The following TRPM1 variants were observed in gnomAD, a reference collection of about 807,000 sequenced individuals.
The protein encoded by TRPM1 is transient receptor potential cation channel subfamily M member 1, also known as TRPM1-203 APA Isoform, Intron 10.
In TRPM1, 113 loss-of-function variants were observed where a neutral mutation model predicts 149.4. That is an observed-to-expected ratio of 0.76 (90% confidence interval 0.65 to 0.88). TRPM1 has a LOEUF of 0.88. Among genes scored for constraint, TRPM1 ranks in the 40% least tolerant of loss-of-function variants. The pLI is 0.00. For missense variants in TRPM1, 1,976 were observed against 2,038.7 expected, an observed-to-expected ratio of 0.97 and a Z score of 0.59; for synonymous variants, 741 against 759.5, an observed-to-expected ratio of 0.98 and a Z score of 0.40.
chr15:31,068,462 C>T (rs1366534011), intron 4 of TRPM1, among the ~76,000 whole-genome samples: 1 of 151,916 alleles, frequency 6.6e-6, no homozygotes, highest in African/African-American at 2.4e-5. Flanking sequence ...GGACTCAGGG[C>T]TGGGCGTGGT....
In TRPM1 at chr15:31,041,846, C is replaced by T. The variant is rs143277501; in HGVS notation, c.2087+105G>A. On this transcript the variant is annotated intron_variant, in intron 17 of 27. Coordinates refer to ENST00000256552, the MANE Select transcript of TRPM1 (RefSeq NM_001252024.2). Reference sequence around the variant, plus strand: ...AAGTGATTTGTGAACAAGCTTTAACCACCATTGTCCTTAAGTGAGAAGTAC... The same window carrying T: ...AAGTGATTTGTGAACAAGCTTTAACTACCATTGTCCTTAAGTGAGAAGTAC... 236 of 1,251,534 alleles carry T rather than the reference C, an allele frequency of 1.9e-4. No individual in the cohort carries two copies. In the African/African-American group the frequency reaches 3.2e-3, roughly 17 times the overall value. 77.5% of individuals were successfully genotyped at this position (1,251,534 alleles called of 1,614,324 possible). A position where few individuals can be genotyped will look rare whatever the true frequency, so the allele number is the denominator to read the frequency against.
At chr15:31,160,691 C>G (rs278352) in intron 1 of TRPM1, among the ~76,000 whole-genome samples, 1 of 152,222 alleles carries the variant, frequency 6.6e-6, no homozygotes, top group East Asian at 1.9e-4. Flanking sequence ...CAACTGAGAC[C>G]ACAGGCGTTG....
chr15:31,001,195 A>G lies in TRPM1; in HGVS notation c.*627T>C, dbSNP rs1243172540. 6.6e-6 allele frequency: 1 copy of G among 152,262 alleles called. No homozygotes were observed. The highest frequency in any genetic ancestry group is 2.4e-5 in the African/African-American group (1 of 41,450). 9.4% of individuals were successfully genotyped at this position (152,262 alleles called of 1,614,324 possible). ...AGTTTAAAATAAAACATTAAAACAG[A>G]AAACAAAGACCCCATAAAAACATAT... On this transcript the variant is annotated 3_prime_UTR_variant, in exon 28 of 28. Transcript: ENST00000256552.
chr15:31,011,710 G>A (rs2032191012), intron 27 of TRPM1, among the ~76,000 whole-genome samples: 1 of 150,678 alleles, frequency 6.6e-6, no homozygotes, highest in South Asian at 2.1e-4. Context: ...TGTTGCCCAG[G>A]CTGAAGAGCA....
intron 5 of TRPM1, 41 bp from the exon 6 acceptor site, chr15:31,067,228 C>T (rs1227166304): frequency 6.2e-7 from 1 of 1,614,058 alleles, no homozygotes; most frequent in East Asian, 2.2e-5. Context: ...TCTTTTACTT[C>T]CCAGCACACC....
chr15:31,104,523 C>T (rs145499889), upstream of TRPM1, among the ~76,000 whole-genome samples: 682 of 149,932 alleles, frequency 4.5e-3, 7 homozygotes, highest in African/African-American at 0.016. Context: ...GCAATGCCGG[C>T]GGACTTTGGT....
intron 3 of TRPM1, among the ~76,000 whole-genome samples, chr15:31,071,399 G>A (rs2034533768): frequency 6.6e-6 from 1 of 151,780 alleles, no homozygotes; most frequent in African/African-American, 2.4e-5. Context: ...GGCTAGATGT[G>A]CGAATGCGTG....
chr15:31,141,638 CATA>C (rs2036164038), intron 1 of TRPM1, among the ~76,000 whole-genome samples: 1 of 149,178 alleles, frequency 6.7e-6, no homozygotes, highest in African/African-American at 2.5e-5. Context: ...TTTGTGTGGT[CATA>C]ATGACAGGGG....
At position 31,001,862 on chromosome 15, in the gene TRPM1, T is replaced by C; in HGVS notation, c.4838A>G (p.Lys1613Arg). ...TGTGGAAGCTTTCTCTTTCTTAACC[T>C]TTTTTTCTTCTGCTGTCATTCCAGA... ...IVSGMTAEEK[K>R]VKKEKASTET... Residue 1613 changes from lysine to arginine, a missense_variant, in exon 28 of 28, where the codon AAG (lysine) becomes AGG (arginine). Coordinates refer to ENST00000256552, the MANE Select transcript of TRPM1 (RefSeq NM_001252024.2). 1 of 1,613,234 alleles carries C rather than the reference T, an allele frequency of 6.2e-7. No individual in the cohort carries two copies. Among genetic ancestry groups the C allele is most frequent in the Non-Finnish European group, 8.5e-7 (1 of 1,179,972 alleles).
At chr15:31,101,252 C>G (rs58740340) in intron 1 of TRPM1, among the ~76,000 whole-genome samples, 1,649 of 152,300 alleles carry the variant, frequency 0.011, 33 homozygotes, top group African/African-American at 0.038. Context: ...ATCCCTGGCA[C>G]CTGGATTTAG....
At chr15:31,113,701 A>C (rs2035750158) in intron 1 of TRPM1, among the ~76,000 whole-genome samples, 1 of 152,168 alleles carries the variant, frequency 6.6e-6, no homozygotes, top group Non-Finnish European at 1.5e-5. Context: ...GCCCATAGTT[A>C]GTTCATTCCG....
chr15:31,152,938 C>T (rs950861317), intron 1 of TRPM1, among the ~76,000 whole-genome samples: 13 of 152,192 alleles, frequency 8.5e-5, no homozygotes, highest in African/African-American at 3.1e-4. Context: ...CCACTGCACC[C>T]AGCCTAAAAC....
intron 27 of TRPM1, among the ~76,000 whole-genome samples, chr15:31,024,267 G>T (rs2032644680): frequency 6.6e-6 from 1 of 152,192 alleles, no homozygotes; most frequent in Non-Finnish European, 1.5e-5. Context: ...AAATGCTTGA[G>T]TACTTCAAGT....
chr15:31,023,000 C>T (rs529349084), intron 27 of TRPM1, among the ~76,000 whole-genome samples: 4 of 152,152 alleles, frequency 2.6e-5, no homozygotes, highest in Non-Finnish European at 2.9e-5. Context: ...GGGCACAGAG[C>T]GAGACCTTGT....
intron 1 of TRPM1, among the ~76,000 whole-genome samples, chr15:31,140,487 T>C (rs1162317274): frequency 1.3e-5 from 2 of 152,206 alleles, no homozygotes. Flanking sequence ...CATGAATGCC[T>C]TTCCCCCGCC....
At position 31,061,477 on chromosome 15, in the gene TRPM1, T is replaced by A; in HGVS notation, c.1127A>T (p.Asp376Val). ...VFRMGSEGQQ[D>V]IEMAILTALL... is the part of the protein sequence containing the mutation. ...GGCAGTTAAAATTGCCATCTCGATG[T>A]CCTGCTGGCCCTCAGAACCCATTCT... The change falls in exon 10 of 28, where the codon GAC becomes GTC. Residue 376 changes from aspartate to valine, a missense_variant. Transcript: ENST00000256552. 6.2e-7 allele frequency: 1 copy of A among 1,614,130 alleles called. No individual in the cohort carries two copies. Among genetic ancestry groups the A allele is most frequent in the Non-Finnish European group, 8.5e-7 (1 of 1,180,032 alleles).
intron 27 of TRPM1, among the ~76,000 whole-genome samples, chr15:31,004,495 G>A (rs1238404685): frequency 1.3e-5 from 2 of 151,638 alleles, no homozygotes; most frequent in Non-Finnish European, 2.9e-5. Flanking sequence ...GCTCTGATGT[G>A]TCTGTGTTTG....
chr15:31,053,248 CT>C (rs1011375835), intron 11 of TRPM1, among the ~76,000 whole-genome samples: 50 of 151,436 alleles, frequency 3.3e-4, no homozygotes, highest in Middle Eastern at 3.5e-3. Context: ...TGGCTATTAT[CT>C]TTTTTTTTCC....
intron 1 of TRPM1, among the ~76,000 whole-genome samples, chr15:31,082,620 G>A (rs2034891284): frequency 6.6e-6 from 1 of 152,218 alleles, no homozygotes; most frequent in African/African-American, 2.4e-5. Flanking sequence ...AAGGGCCACG[G>A]GGAGGCTGCG....
Sources: allele counts gnomAD v4.1 joint callset (sites outside exome capture counted in the v4.1 genomes callset), GRCh38; gene constraint gnomAD v4.1.1; transcripts MANE v1.5; gene names NCBI Gene and HGNC (gene_info 2026-07-23, HGNC 2026-07-21).